Variants in SNTG1 observed in about 807,000 individuals in gnomAD.
SNTG1 encodes the protein syntrophin gamma 1.
Under a neutral mutation model 74.7 loss-of-function variants are expected in SNTG1, and 39 were observed. The ratio of observed to expected loss-of-function variants is 0.52; its 90% CI spans 0.40 to 0.68. The LOEUF (loss-of-function observed/expected upper bound fraction) is 0.68, where lower values mean the gene tolerates loss of function less well. Ranked by LOEUF, SNTG1 falls within the 30% of genes least tolerant of loss-of-function variation. The pLI is 0.00. For synonymous variants in SNTG1, 254 were observed against 217.1 expected (o/e 1.17, Z -1.49); for missense variants, 685 against 609.5 (o/e 1.12, Z -1.30).
chr8:50,287,656 C>T (rs148325172), intron 2 of SNTG1, among the ~76,000 whole-genome samples: 1 of 152,268 alleles, frequency 6.6e-6, no homozygotes, highest in East Asian at 1.9e-4. Flanking sequence ...CCCAACCTGT[C>T]TTCCTGCTTC....
chr8:50,771,733 G>T (rs912486731), intron 18 of SNTG1, among the ~76,000 whole-genome samples: 5 of 152,050 alleles, frequency 3.3e-5, no homozygotes, highest in Non-Finnish European at 7.4e-5. Context: ...CAGGCTGAGA[G>T]GCCTAGGAGT....
At chr8:50,086,715 C>T (rs1328591639) in intron 1 of SNTG1, among the ~76,000 whole-genome samples, 1 of 152,018 alleles carries the variant, frequency 6.6e-6, no homozygotes, top group Non-Finnish European at 1.5e-5. Flanking sequence ...ACATGGATTT[C>T]TGTGTTGTTT....
At chr8:50,039,091 T>G (rs1450811596) in intron 1 of SNTG1, among the ~76,000 whole-genome samples, 3 of 152,132 alleles carry the variant, frequency 2.0e-5, no homozygotes, top group African/African-American at 7.2e-5. Flanking sequence ...ATGGCCATAG[T>G]AGGTCCTTGC....
chr8:50,701,558 T>C (rs2095423546), intron 15 of SNTG1, among the ~76,000 whole-genome samples: 1 of 124,290 alleles, frequency 8.0e-6, no homozygotes, highest in Non-Finnish European at 1.6e-5. Flanking sequence ...AGCTTTTCAA[T>C]CTATTGTGAT....
At chr8:50,507,354 G>T (rs1269241251) in intron 9 of SNTG1, among the ~76,000 whole-genome samples, 3 of 152,044 alleles carry the variant, frequency 2.0e-5, no homozygotes, top group Non-Finnish European at 2.9e-5. Flanking sequence ...GCTGGAAACT[G>T]CTTTCCCCTC....
chr8:50,340,899 C>T (rs2091296396), intron 2 of SNTG1, among the ~76,000 whole-genome samples: 1 of 151,898 alleles, frequency 6.6e-6, no homozygotes, highest in African/African-American at 2.4e-5. Context: ...TGTTTAATGA[C>T]AATTTGCAGA....
At chr8:50,046,750 G>T (rs1373599160) in intron 1 of SNTG1, among the ~76,000 whole-genome samples, 1 of 152,128 alleles carries the variant, frequency 6.6e-6, no homozygotes, top group African/African-American at 2.4e-5. Flanking sequence ...TGCCACAAAT[G>T]CTGACTGTTC....
intron 1 of SNTG1, among the ~76,000 whole-genome samples, chr8:50,063,200 A>G (rs1213777476): frequency 1.3e-5 from 2 of 152,252 alleles, no homozygotes; most frequent in African/African-American, 4.8e-5. Context: ...TTTATTAGCA[A>G]AATAAAAGTG....
At chr8:50,532,291 C>A (rs550378633) in intron 10 of SNTG1, among the ~76,000 whole-genome samples, 1 of 152,114 alleles carries the variant, frequency 6.6e-6, no homozygotes, top group Non-Finnish European at 1.5e-5. Context: ...CAATGCATAT[C>A]AATTAAATGC....
At chr8:50,564,833 A>T (rs1454825333) in intron 12 of SNTG1, among the ~76,000 whole-genome samples, 2 of 152,134 alleles carry the variant, frequency 1.3e-5, no homozygotes, top group African/African-American at 4.8e-5. Context: ...TACAATCTCC[A>T]ATAAAAATAT....
At chr8:50,426,599 T>G (rs1482962440) in intron 4 of SNTG1, among the ~76,000 whole-genome samples, 1 of 151,946 alleles carries the variant, frequency 6.6e-6, no homozygotes. Context: ...TTTTACTTTA[T>G]AAGTAAAAAA....
chr8:50,373,224 C>A (rs1193919490), intron 2 of SNTG1, among the ~76,000 whole-genome samples: 1 of 151,956 alleles, frequency 6.6e-6, no homozygotes, highest in Non-Finnish European at 1.5e-5. Context: ...AATTGTAATT[C>A]TTTTTGGTTA....
intron 2 of SNTG1, among the ~76,000 whole-genome samples, chr8:50,259,544 G>A (rs144672397): frequency 0.11 from 1,390 of 12,770 alleles, 292 homozygotes; most frequent in South Asian, 0.41. Flanking sequence ...AAGAAAGAAA[G>A]AAAGAAAGAA....
At chr8:50,434,438 A>T (rs1467446717) in intron 4 of SNTG1, among the ~76,000 whole-genome samples, 1 of 152,008 alleles carries the variant, frequency 6.6e-6, no homozygotes, top group South Asian at 2.1e-4. Context: ...TGGTATTTCT[A>T]GTTCTAGATC....
intron 4 of SNTG1, among the ~76,000 whole-genome samples, chr8:50,433,312 G>C (rs2093262145): frequency 6.6e-6 from 1 of 151,772 alleles, no homozygotes; most frequent in African/African-American, 2.4e-5. Flanking sequence ...CTCTATTTTT[G>C]TTCATTTCAT....
intron 15 of SNTG1, among the ~76,000 whole-genome samples, chr8:50,666,897 T>C (rs924628074): frequency 7.2e-5 from 11 of 152,048 alleles, no homozygotes; most frequent in African/African-American, 2.7e-4. Flanking sequence ...TATATTTTGA[T>C]ATCAAATATA....
chr8:50,450,556 C>T lies in SNTG1; in HGVS notation c.278C>T (p.Ala93Val), dbSNP rs138942717. 95 of 1,613,198 alleles carry T rather than the reference C, an allele frequency of 5.9e-5. No homozygotes were observed. Among genetic ancestry groups the T allele is most frequent in the Admixed American group, 1.5e-4 (9 of 60,006 alleles). ...ATCAATTGTGCTTTTTCATTCACAGCGGAACTTTCAGGACTACTTTTTATT... is the reference window on the plus strand; with the variant it reads ...ATCAATTGTGCTTTTTCATTCACAGTGGAACTTTCAGGACTACTTTTTATT... ...VVSKISKEQRAELSGLLFIGD... is the reference protein window; with the variant it reads ...VVSKISKEQRVELSGLLFIGD... The change falls in exon 7 of 19, where the codon GCG (alanine) becomes GTG (valine). Residue 93 changes from alanine to valine, a missense_variant and splice_region_variant. Ala to Val is a moderately conservative substitution (Grantham distance 64, BLOSUM62 0). Transcript: ENST00000642720.
intron 8 of SNTG1, among the ~76,000 whole-genome samples, chr8:50,501,605 T>A (rs1195818824): frequency 5.5e-5 from 7 of 127,216 alleles, no homozygotes; most frequent in Non-Finnish European, 9.2e-5. Context: ...CCGGTTATTT[T>A]TTTTTATTTT....
At chr8:50,502,134 C>T (rs1217820604) in intron 8 of SNTG1, among the ~76,000 whole-genome samples, 1 of 152,048 alleles carries the variant, frequency 6.6e-6, no homozygotes, top group Non-Finnish European at 1.5e-5. Context: ...TTGATAATAA[C>T]AGACTTCAAC....
Sources: gnomAD v4.1 joint callset for allele counts (sites outside exome capture counted in the v4.1 genomes callset) on GRCh38, gnomAD v4.1.1 for gene constraint, MANE v1.5 for transcripts, NCBI Gene and HGNC (gene_info 2026-07-23, HGNC 2026-07-21) for gene names.